Variants in ARVCF observed in about 807,000 individuals in gnomAD.
ARVCF encodes ARVCF delta catenin family member, also known as splicing regulator ARVCF.
In ARVCF, 66 loss-of-function variants were observed where a neutral mutation model predicts 90.9. The ratio of observed to expected loss-of-function variants is 0.73; its 90% CI spans 0.60 to 0.89. The LOEUF (loss-of-function observed/expected upper bound fraction) is 0.89. Among genes scored for constraint, ARVCF ranks in the 40% least tolerant of loss-of-function variants. ARVCF has a pLI of 0.00. For missense variants in ARVCF, 1,469 were observed against 1,382.3 expected (o/e 1.06, Z -1.00); for synonymous variants, 653 against 603.4 (o/e 1.08, Z -1.21).
chr22:19,973,037 C>T lies in ARVCF; in HGVS notation c.2439-1G>A. ...CGCCTTCGCTTCGCGTACCGATTGGCTGTGGGGCCGGGGGCGGGGTCAGTG... is the reference window on the plus strand; with the variant it reads ...CGCCTTCGCTTCGCGTACCGATTGGTTGTGGGGCCGGGGGCGGGGTCAGTG... On this transcript the variant is annotated splice_acceptor_variant, in intron 14 of 19. Transcript: ENST00000263207. LOFTEE classifies it high-confidence loss of function. The T allele has an allele frequency of 6.2e-7, 1 of 1,612,784 alleles. No individual in the cohort carries two copies. Among genetic ancestry groups the T allele is most frequent in the South Asian group, 1.1e-5 (1 of 91,074 alleles).
Position 19,979,848 on chromosome 22 carries a change from G to C in ARVCF, c.1291C>G (p.Arg431Gly). 6.2e-7 allele frequency: 1 copy of C among 1,608,974 alleles called. No individual in the cohort carries two copies. ...CGALRNLSYG[R>G]DTDNKAAIRD... Reference sequence around the variant, plus strand: ...ATGGCGGCCTTGTTGTCAGTGTCGCGGCCATAGGAGAGGTTGCGCAGTGCC... The same window carrying C: ...ATGGCGGCCTTGTTGTCAGTGTCGCCGCCATAGGAGAGGTTGCGCAGTGCC... Residue 431 changes from arginine to glycine, a missense_variant, in exon 6 of 20, where the codon CGC becomes GGC. Arg to Gly is a moderately radical substitution (Grantham distance 125). Transcript: ENST00000263207.
At chr22:19,998,368 G>C (rs1944328930) in intron 2 of ARVCF, among the ~76,000 whole-genome samples, 1 of 152,230 alleles carries the variant, frequency 6.6e-6, no homozygotes, top group Non-Finnish European at 1.5e-5. Flanking sequence ...AGGGGAGGTG[G>C]GGTGCAGCCC....
At chr22:19,999,226 G>A (rs1379351211) in intron 2 of ARVCF, among the ~76,000 whole-genome samples, 2 of 152,136 alleles carry the variant, frequency 1.3e-5, no homozygotes, top group Non-Finnish European at 2.9e-5. Flanking sequence ...GCAGCTCCCT[G>A]CATGTGGGCG....
intron 3 of ARVCF, chr22:19,987,110 G>C (rs775266970): frequency 3.6e-6 from 2 of 557,302 alleles, no homozygotes; most frequent in Non-Finnish European, 6.5e-6. Flanking sequence ...GGGACTCGGG[G>C]GGCGCTGGCC....
At chr22:20,005,332 G>T (rs568656677) in intron 2 of ARVCF, among the ~76,000 whole-genome samples, 2 of 150,290 alleles carry the variant, frequency 1.3e-5, no homozygotes, top group Non-Finnish European at 2.9e-5. Flanking sequence ...AATCAAGGCT[G>T]CAATGAAATA....
chr22:19,970,907 G>A (rs1488693688), intron 19 of ARVCF, among the ~76,000 whole-genome samples, 164 bp from the exon 20 acceptor site: 1 of 152,208 alleles, frequency 6.6e-6, no homozygotes, highest in Admixed American at 6.5e-5. Context: ...CTTGGCACCA[G>A]GGCTGATCCT....
At chr22:19,981,130 A>G in intron 5 of ARVCF, 81 bp downstream of exon 5, 1 of 1,429,966 alleles carries the variant, frequency 7.0e-7, no homozygotes, top group African/African-American at 1.4e-5. Flanking sequence ...GCGCCACTTG[A>G]CAAGTGGGGC....
intron 18 of ARVCF, 146 bp downstream of exon 18, chr22:19,971,740 T>C: frequency 1.2e-6 from 1 of 811,718 alleles, no homozygotes; most frequent in African/African-American, 1.7e-5. Context: ...CTGACTGGCG[T>C]GAAGGGGCTG....
At chr22:19,989,252 G>C (rs1274961609) in intron 3 of ARVCF, among the ~76,000 whole-genome samples, 3 of 152,080 alleles carry the variant, frequency 2.0e-5, no homozygotes, top group Admixed American at 6.5e-5. Context: ...AGCACCAGGG[G>C]CCATGAAAAA....
chr22:19,994,500 A>G (rs1181398577), intron 2 of ARVCF, among the ~76,000 whole-genome samples: 14 of 87,704 alleles, frequency 1.6e-4, no homozygotes, highest in East Asian at 7.8e-4. Flanking sequence ...ATGAACATAT[A>G]GATGAATGGA....
chr22:20,000,870 C>T (rs762258156), intron 2 of ARVCF, among the ~76,000 whole-genome samples: 1 of 152,210 alleles, frequency 6.6e-6, no homozygotes. Flanking sequence ...CGATCTTGGA[C>T]TTCCCAGCCT....
chr22:19,998,377 C>T (rs979256478), intron 2 of ARVCF, among the ~76,000 whole-genome samples: 4 of 152,168 alleles, frequency 2.6e-5, no homozygotes, highest in East Asian at 1.9e-4. Flanking sequence ...GGGGTGCAGC[C>T]CCTGGGAGCC....
Position 19,971,237 on chromosome 22 carries a change from G to C in ARVCF, c.2880C>G (p.Ser960=). The change falls in exon 19 of 20, where the codon TCC becomes TCG. Residue 960 remains serine (S), a synonymous_variant. Transcript: ENST00000263207. ...GTACCAGGCATGCAAGCTAGACCCA[G>C]GAATCAACGGGCTGAGGCTTAGCGT... ...VGDAKPQPVD[S]WV 1 of 1,554,650 alleles carries C rather than the reference G, an allele frequency of 6.4e-7. No homozygotes were observed. The highest frequency in any genetic ancestry group is 8.7e-7 in the Non-Finnish European group (1 of 1,148,284).
intron 2 of ARVCF, among the ~76,000 whole-genome samples, chr22:20,010,244 C>A (rs1024174777): frequency 1.3e-5 from 2 of 152,250 alleles, no homozygotes; most frequent in Non-Finnish European, 2.9e-5. Flanking sequence ...TGCCCATATT[C>A]AGGCCAGTAA....
rs1942915903 is a variant in ARVCF at position 19,973,003 on chromosome 22, G to C, written c.2472C>G (p.His824Gln). ...QSVREAKAAS[H>Q]VLQTVWSYKE... ...TGTAGCTCCACACTGTCTGCAGCAC[G>C]TGTGACGCCGCCTTCGCTTCGCGTA... The change falls in exon 15 of 20, where the codon CAC becomes CAG. Residue 824 changes from histidine (H) to glutamine (Q), a missense_variant. Transcript: ENST00000263207. The C allele has an allele frequency of 1.9e-6, 3 of 1,613,404 alleles. No homozygotes were observed. The highest frequency in any genetic ancestry group is 2.5e-6 in the Non-Finnish European group (3 of 1,180,028).
intron 2 of ARVCF, among the ~76,000 whole-genome samples, chr22:20,006,578 C>CA (rs34035926): frequency 9.9e-4 from 136 of 137,428 alleles, no homozygotes; most frequent in African/African-American, 2.9e-3. Flanking sequence ...GACTCTGTCT[C>CA]AAAAAAAAAA....
Position 19,970,531 on chromosome 22 carries a change from T to C in ARVCF, c.*225A>G, listed in dbSNP as rs1942695689. ...TGTCACTCGCTCACACACAGCACCA[T>C]GTCAGTAAACAGCTAACTCAGGCCT... On this transcript the variant is annotated 3_prime_UTR_variant, in exon 20 of 20. Coordinates refer to ENST00000263207, the MANE Select transcript of ARVCF (RefSeq NM_001670.3). The C allele has an allele frequency of 1.7e-6, 2 of 1,150,452 alleles. No homozygotes were observed. Among genetic ancestry groups the C allele is most frequent in the South Asian group, 1.7e-5 (1 of 59,492 alleles). 71.3% of individuals were successfully genotyped at this position (1,150,452 alleles called of 1,614,324 possible).
chr22:20,016,157 C>T (rs1030919077), intron 1 of ARVCF, among the ~76,000 whole-genome samples: 1 of 152,148 alleles, frequency 6.6e-6, no homozygotes, highest in African/African-American at 2.4e-5. Flanking sequence ...CGGCGCGCTG[C>T]CCCAGGAAAG....
At chr22:19,973,605 G>A (rs1942972190) in intron 13 of ARVCF, 38 bp downstream of exon 13, 1 of 1,580,130 alleles carries the variant, frequency 6.3e-7, no homozygotes. Context: ...TGCAGGCACA[G>A]TTCGGTGCCC....
Sources: allele counts gnomAD v4.1 joint callset (sites outside exome capture counted in the v4.1 genomes callset), GRCh38; gene constraint gnomAD v4.1.1; transcripts MANE v1.5; gene names NCBI Gene and HGNC (gene_info 2026-07-23, HGNC 2026-07-21).